The following GPSM2 variants were observed in gnomAD, a reference collection of about 807,000 sequenced individuals.
GPSM2 encodes G protein-signaling modulator 2.
Under a neutral mutation model 78.4 loss-of-function variants are expected in GPSM2, and 58 were observed. The ratio of observed to expected loss-of-function variants is 0.74; its 90% CI spans 0.60 to 0.92. The LOEUF is 0.92. Among genes scored for constraint, GPSM2 ranks in the 40% least tolerant of loss-of-function variants. The pLI is 0.00. For missense variants in GPSM2, 700 were observed against 815.5 expected (o/e 0.86, Z 1.73); for synonymous variants, 224 against 280.2 (o/e 0.80, Z 2.00).
Position 108,933,943 on chromosome 1 carries a change from A to C in GPSM2, c.*4003A>C, listed in dbSNP as rs1652429883. 1 of 152,256 alleles carries C rather than the reference A, an allele frequency of 6.6e-6. No individual in the cohort carries two copies. Among genetic ancestry groups the C allele is most frequent in the South Asian group, 2.1e-4 (1 of 4,828 alleles). The allele number at this position is 152,256 out of a possible 1,614,324, so 9.4% of individuals were successfully genotyped here. On this transcript the variant is annotated 3_prime_UTR_variant, in exon 15 of 15. Transcript: ENST00000264126. Reference sequence around the variant, plus strand: ...CTGCTAGGATTCTGAGTAACACAAAAAATAGGTTTTATAAAAAGCCCATGC... The same window carrying C: ...CTGCTAGGATTCTGAGTAACACAAACAATAGGTTTTATAAAAAGCCCATGC...
chr1:108,887,341 G>A (rs188253752), intron 2 of GPSM2, among the ~76,000 whole-genome samples: 4 of 152,256 alleles, frequency 2.6e-5, no homozygotes, highest in African/African-American at 9.6e-5. Context: ...GCAGGTGGGG[G>A]AGGTAGAGCT....
chr1:108,916,337 T>C (rs1650230713), intron 11 of GPSM2, among the ~76,000 whole-genome samples: 1 of 152,008 alleles, frequency 6.6e-6, no homozygotes, highest in Non-Finnish European at 1.5e-5. Flanking sequence ...CAATAACATA[T>C]GATTTTTCAA....
chr1:108,898,530 T>G (rs1648553491), intron 5 of GPSM2, 112 bp from the exon 6 acceptor site: 2 of 910,866 alleles, frequency 2.2e-6, no homozygotes, highest in Non-Finnish European at 3.5e-6. Flanking sequence ...TTGCACATTA[T>G]GGCTGTAAGC....
At chr1:108,917,650 A>ATATATG in intron 11 of GPSM2, among the ~76,000 whole-genome samples, 1 of 44,324 alleles carries the variant, frequency 2.3e-5, no homozygotes, top group East Asian at 6.0e-4. Context: ...ATATATATAT[A>ATATATG]TATATATATA....
intron 10 of GPSM2, among the ~76,000 whole-genome samples, chr1:108,912,434 G>A (rs1168947461): frequency 6.6e-6 from 1 of 152,088 alleles, no homozygotes; most frequent in African/African-American, 2.4e-5. Flanking sequence ...GTGAAAGACA[G>A]ATTTAGAGCA....
intron 14 of GPSM2, among the ~76,000 whole-genome samples, chr1:108,929,318 G>C (rs1267484538): frequency 1.3e-5 from 2 of 152,092 alleles, no homozygotes; most frequent in African/African-American, 2.4e-5. Context: ...CTAAAGATTT[G>C]TTAAGTTACA....
At chr1:108,921,470 CTAGGCTTCAA>C (rs1454760040) in intron 12 of GPSM2, among the ~76,000 whole-genome samples, 1 of 152,012 alleles carries the variant, frequency 6.6e-6, no homozygotes, top group African/African-American at 2.4e-5. Flanking sequence ...ACTCTCTTAC[CTAGGCTTCAA>C]TAGGTACCTG....
chr1:108,908,781 G>A (rs1649473781), intron 10 of GPSM2, among the ~76,000 whole-genome samples: 1 of 140,554 alleles, frequency 7.1e-6, no homozygotes, highest in Admixed American at 7.0e-5. Context: ...CTCTTGGGAG[G>A]ATCACTTGAG....
intron 2 of GPSM2, among the ~76,000 whole-genome samples, chr1:108,888,349 G>GC (rs1485540658): frequency 6.6e-6 from 1 of 151,712 alleles, no homozygotes; most frequent in African/African-American, 2.4e-5. Context: ...ACTGCACTTG[G>GC]CCTTTTTTTC....
At chr1:108,883,268 T>A (rs1647260104) in intron 1 of GPSM2, among the ~76,000 whole-genome samples, 1 of 152,210 alleles carries the variant, frequency 6.6e-6, no homozygotes, top group South Asian at 2.1e-4. Context: ...CTCTGTTCCC[T>A]ATTAACTTCT....
Position 108,931,590 on chromosome 1 carries a change from G to T in GPSM2, c.*1650G>T. ...TTCTCTAATGGCCAATGTTTTTTAA[G>T]AGTCATAACCTGGAATTAATTACAT... On this transcript the variant is annotated 3_prime_UTR_variant, in exon 15 of 15. Coordinates refer to ENST00000264126, the MANE Select transcript of GPSM2 (RefSeq NM_013296.5). 2.3e-6 allele frequency: 3 copies of T among 1,316,406 alleles called. No individual in the cohort carries two copies. Among genetic ancestry groups the T allele is most frequent in the Non-Finnish European group, 3.0e-6 (3 of 1,008,038 alleles). The allele number at this position is 1,316,406 out of a possible 1,614,324, so 81.5% of individuals were successfully genotyped here.
chr1:108,889,748 A>T (rs546175671), intron 2 of GPSM2, among the ~76,000 whole-genome samples: 2 of 151,756 alleles, frequency 1.3e-5, no homozygotes, highest in Admixed American at 6.6e-5. Flanking sequence ...CGTCGTTTTG[A>T]CTTGTCACTA....
intron 11 of GPSM2, among the ~76,000 whole-genome samples, chr1:108,915,428 T>C (rs901196974): frequency 2.0e-5 from 3 of 151,578 alleles, no homozygotes; most frequent in Non-Finnish European, 2.9e-5. Flanking sequence ...TTTCTTTTTT[T>C]TCTTTTTTGT....
In GPSM2 at chr1:108,922,452, C is replaced by A; in HGVS notation, c.1476C>A (p.Phe492Leu). 1.2e-6 allele frequency: 2 copies of A among 1,612,334 alleles called. No homozygotes were observed. The highest frequency in any genetic ancestry group is 1.7e-6 in the Non-Finnish European group (2 of 1,178,518). Residue 492 changes from phenylalanine to leucine, a missense_variant, in exon 13 of 15, where the codon TTC (phenylalanine) becomes TTA (leucine). Coordinates refer to ENST00000264126, the MANE Select transcript of GPSM2 (RefSeq NM_013296.5). ...ISADTIGDEGFFDLLSRFQSN... is the reference protein window; with the variant it reads ...ISADTIGDEGLFDLLSRFQSN... ...CAGATACTATTGGAGATGAAGGGTT[C>A]TTTGACTTATTAAGCCGATTTCAAA... is the stretch of plus-strand genomic sequence containing the variant.
chr1:108,912,577 T>TAA (rs34266985), intron 10 of GPSM2, among the ~76,000 whole-genome samples: 103 of 108,710 alleles, frequency 9.5e-4, no homozygotes, highest in Middle Eastern at 5.1e-3. Context: ...CCTGTCTGTA[T>TAA]AAAAAAAAAA....
intron 1 of GPSM2, among the ~76,000 whole-genome samples, chr1:108,881,911 A>G (rs138807975): frequency 4.5e-4 from 69 of 152,302 alleles, no homozygotes; most frequent in African/African-American, 1.5e-3. Flanking sequence ...TATAATTGCA[A>G]AATTTAGAAT....
At chr1:108,916,786 T>G (rs1650266368) in intron 11 of GPSM2, among the ~76,000 whole-genome samples, 1 of 152,232 alleles carries the variant, frequency 6.6e-6, no homozygotes, top group South Asian at 2.1e-4. Context: ...TTTCTTTTCC[T>G]CATAATAAAG....
At chr1:108,918,206 T>C (rs1238789466) in intron 11 of GPSM2, among the ~76,000 whole-genome samples, 1 of 152,174 alleles carries the variant, frequency 6.6e-6, no homozygotes, top group Non-Finnish European at 1.5e-5. Flanking sequence ...TTAAAATTAC[T>C]ATGTTTTATA....
At chr1:108,900,823 A>G (rs1648750238) in intron 7 of GPSM2, among the ~76,000 whole-genome samples, 1 of 152,234 alleles carries the variant, frequency 6.6e-6, no homozygotes, top group Admixed American at 6.5e-5. Flanking sequence ...TGAAGGTATC[A>G]TCATTAAATA....
Sources: gnomAD v4.1 joint callset for allele counts (sites outside exome capture counted in the v4.1 genomes callset) on GRCh38, gnomAD v4.1.1 for gene constraint, MANE v1.5 for transcripts, NCBI Gene and HGNC (gene_info 2026-07-23, HGNC 2026-07-21) for gene names.